Variants in PPP6R1 observed in about 807,000 individuals in gnomAD.
The protein encoded by PPP6R1 is serine/threonine-protein phosphatase 6 regulatory subunit 1.
A neutral mutation model predicts 104.6 loss-of-function variants in PPP6R1; 39 were observed. That is an observed-to-expected ratio of 0.37 (90% CI 0.29 to 0.49). The LOEUF is 0.49. Among genes scored for constraint, PPP6R1 ranks in the 20% least tolerant of loss-of-function variants. PPP6R1 has a pLI of 0.98. For synonymous variants in PPP6R1, 549 were observed against 479.0 expected (o/e 1.15, Z -1.91); for missense variants, 1,181 against 1,155.8 (o/e 1.02, Z -0.32).
chr19:55,233,632 T>C (rs529586046), intron 17 of PPP6R1, among the ~76,000 whole-genome samples: 1 of 152,334 alleles, frequency 6.6e-6, no homozygotes, highest in African/African-American at 2.4e-5. Flanking sequence ...AAACCTATTG[T>C]ATTTTCATAT....
chr19:55,255,550 G>GT (rs750066818), intron 1 of PPP6R1: 1 of 152,222 alleles, frequency 6.6e-6, no homozygotes, highest in Non-Finnish European at 1.5e-5. Flanking sequence ...CCACAAAACT[G>GT]GTGTGCAAAG....
intron 15 of PPP6R1, 80 bp downstream of exon 15, chr19:55,239,325 T>C (rs1194563711): frequency 2.9e-6 from 4 of 1,376,266 alleles, no homozygotes; most frequent in Non-Finnish European, 4.1e-6. Context: ...TGTAGGTGCG[T>C]GCAGGGGACA....
In PPP6R1 at chr19:55,258,476, G is replaced by C. The variant is rs968912788; in HGVS notation, c.-48C>G. 8.7e-5 allele frequency: 13 copies of C among 149,910 alleles called. No individual in the cohort carries two copies. Among genetic ancestry groups the C allele is most frequent in the African/African-American group, 2.2e-4 (9 of 41,142 alleles). 9.3% of individuals were successfully genotyped at this position (149,910 alleles called of 1,614,324 possible). On this transcript the variant is annotated 5_prime_UTR_variant, in exon 1 of 24. Coordinates refer to ENST00000412770, the MANE Select transcript of PPP6R1 (RefSeq NM_014931.4). Reference sequence around the variant, plus strand: ...CGGCTCCTCGCACTCGGGGCTCATCGGGGCGCCCCCCCCCGCCCCGCCGCC... The same window carrying C: ...CGGCTCCTCGCACTCGGGGCTCATCCGGGCGCCCCCCCCCGCCCCGCCGCC...
chr19:55,230,923 C>T (rs775128703), intron 21 of PPP6R1, 39 bp from the exon 22 acceptor site: 13 of 1,487,470 alleles, frequency 8.7e-6, no homozygotes, highest in East Asian at 4.5e-5. Context: ...AGCGTGGCCC[C>T]CACCGTCACC....
chr19:55,241,306 G>A lies in PPP6R1; in HGVS notation c.1094C>T (p.Ala365Val). The change falls in exon 9 of 24, where the codon GCC (alanine) becomes GTC (valine). Residue 365 changes from alanine (A) to valine (V), a missense_variant. This residue lies in a region of PPP6R1 where 1,042 missense variants were observed against 955.6 expected (regional missense o/e 1.09). Coordinates refer to ENST00000412770, the MANE Select transcript of PPP6R1 (RefSeq NM_014931.4). The surrounding 1 kb of genome is among the most constrained non-coding windows in gnomAD (Gnocchi z 5.4). ...CAGGGCTGCATCATTGGCGCTCAGG[G>A]CACTGGCCAGGAGCTTGACCACGTG... ...RLHVVKLLAS[A>V]LSANDAALTH... 6.2e-7 allele frequency: 1 copy of A among 1,611,570 alleles called. No homozygotes were observed. Among genetic ancestry groups the A allele is most frequent in the South Asian group, 1.1e-5 (1 of 91,038 alleles).
chr19:55,254,287 C>A (rs577866448), intron 1 of PPP6R1, among the ~76,000 whole-genome samples: 2 of 152,170 alleles, frequency 1.3e-5, no homozygotes, highest in African/African-American at 4.8e-5. Flanking sequence ...TGGCTGCAAA[C>A]GGAAGAAGGG....
In PPP6R1 at chr19:55,241,457, C is replaced by T; in HGVS notation, c.1008+20G>A. 1 of 1,600,912 alleles carries T rather than the reference C, an allele frequency of 6.2e-7. No individual in the cohort carries two copies. The highest frequency in any genetic ancestry group is 8.5e-7 in the Non-Finnish European group (1 of 1,172,456). On this transcript the variant is annotated intron_variant, in intron 8 of 23. Coordinates refer to ENST00000412770, the MANE Select transcript of PPP6R1 (RefSeq NM_014931.4). The surrounding 1 kb of genome is among the most constrained non-coding windows in gnomAD (Gnocchi z 5.4). ...CCTGCTTCCCCCGCCTCCCCGAGGA[C>T]CAGAACCCACACCCCTGACCTTGGG...
In PPP6R1 at chr19:55,242,183, C is replaced by T; in HGVS notation, c.828G>A (p.Leu276=). Residue 276 remains leucine, a synonymous_variant, in exon 7 of 24, where the codon CTG becomes CTA. Coordinates refer to ENST00000412770, the MANE Select transcript of PPP6R1 (RefSeq NM_014931.4). ...VSGIQVLLTL[L]EPRRPRSESV... Reference sequence around the variant, plus strand: ...TCCCTCACCTCGGCCTCCTGGGCTCCAGCAGGGTCAGCAGCACCTGGATCC... The same window carrying T: ...TCCCTCACCTCGGCCTCCTGGGCTCTAGCAGGGTCAGCAGCACCTGGATCC... The T allele has an allele frequency of 1.2e-6, 2 of 1,613,518 alleles. No individual in the cohort carries two copies. Among genetic ancestry groups the T allele is most frequent in the Non-Finnish European group, 1.7e-6 (2 of 1,179,856 alleles).
rs1018729669 is a variant in PPP6R1, at chr19:55,236,901, G to A, written c.1809+12C>T. 15 of 1,612,580 alleles carry A rather than the reference G, an allele frequency of 9.3e-6. No individual in the cohort carries two copies. Among genetic ancestry groups the A allele is most frequent in the East Asian group, 4.5e-5 (2 of 44,894 alleles). Reference sequence around the variant, plus strand: ...TCCACCCGCCACAACCAGGGGACAGGGCAGTACTCACGTTCTCATCGTCAG... The same window carrying A: ...TCCACCCGCCACAACCAGGGGACAGAGCAGTACTCACGTTCTCATCGTCAG... On this transcript the variant is annotated intron_variant, in intron 16 of 23. Transcript: ENST00000412770.
At position 55,246,880 on chromosome 19, in the gene PPP6R1, T is replaced by C; in HGVS notation, c.224A>G (p.Tyr75Cys). ...GGCCAGGAGCTGGGGAACTCACTTG[T>C]AGCGCAGCCGCTCCTCACCGCTATC... ...PPDSGEERLR[Y>C]KYPSVACEIL... The change falls in exon 2 of 24, where the codon TAC becomes TGC. Residue 75 changes from tyrosine to cysteine, a missense_variant. By Grantham distance (194) the Tyr-to-Cys change is radical (BLOSUM62 -2). Coordinates refer to ENST00000412770, the MANE Select transcript of PPP6R1 (RefSeq NM_014931.4). 1 of 1,594,038 alleles carries C rather than the reference T, an allele frequency of 6.3e-7. No individual in the cohort carries two copies. Among genetic ancestry groups the C allele is most frequent in the Non-Finnish European group, 8.6e-7 (1 of 1,169,562 alleles).
chr19:55,241,241 G>A lies in PPP6R1; in HGVS notation c.1159C>T (p.Leu387=). 3.4e-6 allele frequency: 5 copies of A among 1,482,288 alleles called. No homozygotes were observed. The highest frequency in any genetic ancestry group is 1.1e-5 in the South Asian group (1 of 87,150). 91.8% of individuals were successfully genotyped at this position (1,482,288 alleles called of 1,614,324 possible). The change falls in exon 9 of 24, where the codon CTG becomes TTG. Residue 387 remains leucine, a splice_region_variant and synonymous_variant. Transcript: ENST00000412770. This position sits in a 1 kb window ranked among gnomAD's most constrained non-coding sequence, Gnocchi z 5.4. ...CCAGCCCGGTCCAGTCCCCGCACCA[G>A]CATGGTGTTGGGCACGTCCAGTGCC... ...LLALDVPNTM[L]DLFFHYVFNN... is the part of the protein sequence containing the mutation.
downstream of PPP6R1, chr19:55,228,626 C>G: frequency 6.4e-7 from 1 of 1,566,042 alleles, no homozygotes; most frequent in Non-Finnish European, 8.7e-7. Context: ...CTCCCAGACC[C>G]GCCGGCTGCT....
chr19:55,252,361 T>C (rs976850290), intron 1 of PPP6R1, among the ~76,000 whole-genome samples: 1 of 147,482 alleles, frequency 6.8e-6, no homozygotes, highest in African/African-American at 2.5e-5. Flanking sequence ...TCCCGAGTAG[T>C]GGGGACTACA....
chr19:55,243,817 T>C (rs2087481965), intron 5 of PPP6R1, among the ~76,000 whole-genome samples: 1 of 152,192 alleles, frequency 6.6e-6, no homozygotes, highest in African/African-American at 2.4e-5. Flanking sequence ...CAATGCCAGC[T>C]AATTTTTCAA....
chr19:55,231,344 A>G, intron 21 of PPP6R1, 66 bp downstream of exon 21: 1 of 1,492,902 alleles, frequency 6.7e-7, no homozygotes, highest in Non-Finnish European at 9.1e-7. Flanking sequence ...ATGAACCCAG[A>G]GCCCACCTCA....
intron 15 of PPP6R1, chr19:55,239,009 G>A: frequency 4.9e-6 from 1 of 204,624 alleles, no homozygotes; most frequent in Admixed American, 5.4e-5. Context: ...TGAGCCAGAG[G>A]GCATCCATGG....
At chr19:55,249,778 T>C (rs1412498298) in intron 1 of PPP6R1, among the ~76,000 whole-genome samples, 1 of 151,842 alleles carries the variant, frequency 6.6e-6, no homozygotes, top group East Asian at 1.9e-4. Context: ...GAGCGGAGGT[T>C]GCAGTGAGTC....
chr19:55,228,402 G>T (rs766094439), downstream of PPP6R1: 1 of 1,613,502 alleles, frequency 6.2e-7, no homozygotes, highest in South Asian at 1.1e-5. Context: ...AGCAGGAGAG[G>T]ATGAAGGGGC....
chr19:55,230,851 G>A lies in PPP6R1; in HGVS notation c.2493C>T (p.Ala831=). 1.9e-6 allele frequency: 3 copies of A among 1,607,398 alleles called. No individual in the cohort carries two copies. The highest frequency in any genetic ancestry group is 2.5e-6 in the Non-Finnish European group (3 of 1,179,594). Residue 831 remains alanine (A), a synonymous_variant, in exon 22 of 24, where the codon GCC becomes GCT. Transcript: ENST00000412770. ...TCTGGGGGGGCTGGTGGGCCCCGGAGGCTGGGACAGAGGTAGAGGGGTCTC... is the reference window on the plus strand; with the variant it reads ...TCTGGGGGGGCTGGTGGGCCCCGGAAGCTGGGACAGAGGTAGAGGGGTCTC... The part of the protein sequence containing the change: ...ATRDPSTSVP[A]SGAHQPPQTT...
Sources: gnomAD v4.1 joint callset for allele counts (sites outside exome capture counted in the v4.1 genomes callset) on GRCh38, gnomAD v4.1.1 for gene constraint, gnomAD v4.1.1 regional missense constraint, Gnocchi (gnomAD v3.1) non-coding constraint, MANE v1.5 for transcripts, NCBI Gene and HGNC (gene_info 2026-07-23, HGNC 2026-07-21) for gene names.